Variants in MCCC1 observed in about 807,000 individuals in gnomAD.
MCCC1 encodes methylcrotonyl-CoA carboxylase subunit 1, also known as methylcrotonoyl-CoA carboxylase subunit alpha, mitochondrial.
In MCCC1, 64 loss-of-function variants were observed where a neutral mutation model predicts 83.8. That is an observed-to-expected ratio of 0.76 (90% confidence interval 0.62 to 0.94). MCCC1 has a LOEUF of 0.94. Among genes scored for constraint, MCCC1 ranks in the 40% least tolerant of loss-of-function variants. MCCC1 has a pLI of 0.00. For synonymous variants in MCCC1, 322 were observed against 315.4 expected (o/e 1.02, Z -0.22); for missense variants, 807 against 904.7 (o/e 0.89, Z 1.39).
At chr3:183,092,295 A>G (rs1325889426) in intron 3 of MCCC1, 114 bp downstream of exon 3, 5 of 1,332,924 alleles carry the variant, frequency 3.8e-6, no homozygotes, top group Non-Finnish European at 5.3e-6. Flanking sequence ...GTTTGAACTT[A>G]CCTACTTCAA....
chr3:183,063,410 A>G (rs1387349541), intron 7 of MCCC1, among the ~76,000 whole-genome samples: 1 of 152,200 alleles, frequency 6.6e-6, no homozygotes, highest in Non-Finnish European at 1.5e-5. Context: ...AGATACACTA[A>G]ATAGTTTTGA....
At chr3:183,026,780 C>A (rs952778218) in intron 14 of MCCC1, among the ~76,000 whole-genome samples, 8 of 152,178 alleles carry the variant, frequency 5.3e-5, no homozygotes, top group African/African-American at 1.9e-4. Context: ...CACCTGATCA[C>A]CTCTGTCATC....
chr3:183,099,716 AG>A (rs1464365164), upstream of MCCC1: 2 of 548,524 alleles, frequency 3.6e-6, no homozygotes, highest in Middle Eastern at 4.8e-4. Flanking sequence ...GCTCTGACTA[AG>A]GCAAGGGTTT....
At position 183,088,754 on chromosome 3, in the gene MCCC1, T is replaced by C. The variant is rs555097167; in HGVS notation, c.274-1966A>G. ...CATAAATAGGATCATACTATATAAT[T>C]ATCTTCTGCAACTGCTTTTTCCATT... On this transcript the variant is annotated intron_variant, in intron 3 of 18. Transcript: ENST00000265594. Among the ~76,000 whole-genome samples, 3 of 152,344 alleles carry C rather than the reference T, an allele frequency of 2.0e-5. No individual in the cohort carries two copies. In the South Asian group the frequency reaches 6.2e-4, roughly 32 times the overall value.
In MCCC1 at chr3:183,032,873, C is replaced by CAA. The variant is rs374480916; in HGVS notation, c.1681+1116_1681+1117dup. On this transcript the variant is annotated intron_variant, in intron 14 of 18. Coordinates refer to ENST00000265594, the MANE Select transcript of MCCC1 (RefSeq NM_020166.5). ...TGGGCAACAGAGCCAGAGTCTGTGT[C>CAA]AAAAAAAAAAAAAAAAAAATTTGTT... Among the ~76,000 whole-genome samples the CAA allele has an allele frequency of 8.9e-3, 1,029 of 115,534 alleles. 12 individuals carry two copies. The highest frequency in any genetic ancestry group is 0.032 in the African/African-American group (972 of 30,282). The allele number at this position is 115,534 out of a possible 152,430, so 75.8% of individuals were successfully genotyped here.
rs1174988424 is a variant in MCCC1 at position 183,020,171 on chromosome 3, G to A, written c.1936C>T (p.Gln646Ter). ...GTCATAGGAGCTAAGGGGCCGCCCT[G>A]AGTTTCTTGTGAGCTCACAGAAGAT... is the stretch of plus-strand genomic sequence containing the variant. Reference protein sequence around the residue: ...YLSSVSSQETQGGPLAPMTGT... With the variant: ...YLSSVSSQET The change falls in exon 17 of 19, where the codon CAG becomes TAG. Residue 646 changes from glutamine to a stop codon, truncating the protein, a stop_gained. Transcript: ENST00000265594. LOFTEE classifies it high-confidence loss of function. The A allele has an allele frequency of 6.2e-7, 1 of 1,614,098 alleles. No homozygotes were observed. The highest frequency in any genetic ancestry group is 1.1e-5 in the South Asian group (1 of 91,080).
chr3:183,093,933 A>T (rs913853752), intron 2 of MCCC1, among the ~76,000 whole-genome samples: 3 of 152,218 alleles, frequency 2.0e-5, no homozygotes, highest in African/African-American at 7.2e-5. Context: ...GCTTTAGACC[A>T]TCGTAGTTAT....
intron 7 of MCCC1, among the ~76,000 whole-genome samples, chr3:183,059,374 C>T (rs1715660623): frequency 1.4e-5 from 2 of 143,718 alleles, no homozygotes; most frequent in South Asian, 2.1e-4. Flanking sequence ...TTGAATTTTC[C>T]AACCTGTCCA....
chr3:183,106,096 A>AAAAAAAAAAAAAAAAAAAAAC (rs60153007), intron 1 of MCCC1, among the ~76,000 whole-genome samples: 1 of 151,140 alleles, frequency 6.6e-6, no homozygotes, highest in African/African-American at 2.4e-5. Flanking sequence ...AAAAAAAAAA[A>AAAAAAAAAAAAAAAAAAAAAC]GACTACCAAA....
chr3:183,025,271 T>C (rs1712494214), intron 15 of MCCC1, among the ~76,000 whole-genome samples: 1 of 152,186 alleles, frequency 6.6e-6, no homozygotes, highest in Non-Finnish European at 1.5e-5. Context: ...TGAATGCAAA[T>C]GGTTAAAATG....
At chr3:183,063,917 GGGTTACA>G (rs1445946344) in intron 7 of MCCC1, among the ~76,000 whole-genome samples, 2 of 152,178 alleles carry the variant, frequency 1.3e-5, no homozygotes, top group East Asian at 3.8e-4. Flanking sequence ...GGATAGGATT[GGGTTACA>G]GGCCCAACTT....
chr3:183,083,391 A>T (rs1717657988), intron 4 of MCCC1, among the ~76,000 whole-genome samples: 1 of 152,236 alleles, frequency 6.6e-6, no homozygotes, highest in African/African-American at 2.4e-5. Context: ...TCCAATGTTC[A>T]TTCACTCATG....
At position 183,064,778 on chromosome 3, in the gene MCCC1, G is replaced by A. The variant is rs1472572149; in HGVS notation, c.761+6221C>T. 6.6e-6 allele frequency among the ~76,000 whole-genome samples: 1 copy of A among 152,208 alleles called. No individual in the cohort carries two copies. Among genetic ancestry groups the A allele is most frequent in the Non-Finnish European group, 1.5e-5 (1 of 68,028 alleles). On this transcript the variant is annotated intron_variant, in intron 7 of 18. Transcript: ENST00000265594. This position sits in a 1 kb window ranked among gnomAD's most constrained non-coding sequence, Gnocchi z 4.5. ...GCGGGTAATGTAGGGGTGCAGCACC[G>A]GCAGGAGGCGCCTCAGAGCCATGGT...
intron 13 of MCCC1, among the ~76,000 whole-genome samples, chr3:183,035,874 G>A (rs192436763): frequency 1.5e-3 from 227 of 151,832 alleles, no homozygotes; most frequent in African/African-American, 5.1e-3. Context: ...ATGTGCACAA[G>A]GTGCAGGTTT....
At chr3:183,048,153 G>C (rs1482749495) in intron 9 of MCCC1, among the ~76,000 whole-genome samples, 1 of 152,102 alleles carries the variant, frequency 6.6e-6, no homozygotes, top group African/African-American at 2.4e-5. Context: ...TAAAAAAGGA[G>C]AGGAAATTGG....
chr3:183,070,286 G>GA (rs528329141), intron 7 of MCCC1, among the ~76,000 whole-genome samples: 9 of 151,374 alleles, frequency 5.9e-5, no homozygotes, highest in South Asian at 2.1e-4. Context: ...TGCTAATATT[G>GA]AAAAAAAACC....
intron 10 of MCCC1, among the ~76,000 whole-genome samples, chr3:183,043,431 C>T (rs1389632881): frequency 2.6e-5 from 4 of 152,268 alleles, no homozygotes; most frequent in Non-Finnish European, 5.9e-5. Flanking sequence ...GACACTGGCT[C>T]TCCGGAACCC....
At chr3:183,046,671 A>G (rs1303417438) in intron 9 of MCCC1, among the ~76,000 whole-genome samples, 1 of 152,168 alleles carries the variant, frequency 6.6e-6, no homozygotes, top group Non-Finnish European at 1.5e-5. Context: ...GAGTGCTGGG[A>G]TTACAGGTGT....
At position 183,071,117 on chromosome 3, in the gene MCCC1, T is replaced by C. The variant is rs1401212764; in HGVS notation, c.643A>G (p.Met215Val). Residue 215 changes from methionine (M) to valine (V), a missense_variant, in exon 7 of 19, where the codon ATG becomes GTG. By Grantham distance (21) the Met-to-Val change is conservative (BLOSUM62 1). Transcript: ENST00000265594. ...KAVRGGGGKG[M>V]RIVRSEQEFQ... Reference sequence around the variant, plus strand: ...TCTTGTTCTGATCTAACAATCCTCATTCCCTAAGAGAGAAAAGATGATTAT... The same window carrying C: ...TCTTGTTCTGATCTAACAATCCTCACTCCCTAAGAGAGAAAAGATGATTAT... The C allele has an allele frequency of 6.2e-7, 1 of 1,614,206 alleles. No homozygotes were observed. Among genetic ancestry groups the C allele is most frequent in the African/African-American group, 1.3e-5 (1 of 75,062 alleles).
Sources: allele counts gnomAD v4.1 joint callset (sites outside exome capture counted in the v4.1 genomes callset), GRCh38; gene constraint gnomAD v4.1.1; non-coding constraint Gnocchi (gnomAD v3.1); transcripts MANE v1.5; gene names NCBI Gene and HGNC (gene_info 2026-07-23, HGNC 2026-07-21).